MTRR: variants seen among roughly 807,000 people sequenced by gnomAD.
MTRR encodes methionine synthase reductase.
MTRR carries 63 observed loss-of-function variants against 79.2 expected under a neutral mutation model. That is an observed-to-expected ratio of 0.80 (90% CI 0.65 to 0.98). The LOEUF (loss-of-function observed/expected upper bound fraction) is 0.98, where lower values mean the gene tolerates loss of function less well. MTRR is among the 50% of genes least tolerant of loss of function. The probability of loss-of-function intolerance (pLI) is 0.00; values close to 1 mark genes in which losing one functional copy is unlikely to be tolerated. For synonymous variants in MTRR, 355 were observed against 313.3 expected (o/e 1.13, Z -1.41); for missense variants, 895 against 839.6 (o/e 1.07, Z -0.82).
chr5:7,868,962 CCCGCGTTGACACCTA>C, upstream of MTRR: 2 of 761,432 alleles, frequency 2.6e-6, no homozygotes, highest in South Asian at 2.9e-5. Context: ...GCGCGGAGAC[CCCGCGTTGACACCTA>C]CCGCGCTCTG....
chr5:7,862,863 A>G, intron 2 of MTRR: 1 of 1,613,978 alleles, frequency 6.2e-7, no homozygotes, highest in South Asian at 1.1e-5. Flanking sequence ...TTGGAGCAAA[A>G]TATAATCTTG....
chr5:7,898,294 A>G (rs1738869883), intron 14 of MTRR, among the ~76,000 whole-genome samples: 1 of 152,122 alleles, frequency 6.6e-6, no homozygotes, highest in Admixed American at 6.5e-5. Flanking sequence ...AGTTTTAGAG[A>G]TGCACCTCTA....
At position 7,854,175 on chromosome 5, in the gene MTRR, C is replaced by T. The variant is rs546290461; in HGVS notation, n.391+2590C>T. Among the ~76,000 whole-genome samples, 25 of 152,062 alleles carry T rather than the reference C, an allele frequency of 1.6e-4. 1 individual carries two copies. The highest frequency in any genetic ancestry group is 3.4e-3 in the Middle Eastern group (1 of 294). Reference sequence around the variant, plus strand: ...TAGGCTCCTCATGTCTGTACTCGTACTCAAAAGTTCTGTGCCGGAGAAGGG... The same window carrying T: ...TAGGCTCCTCATGTCTGTACTCGTATTCAAAAGTTCTGTGCCGGAGAAGGG... On this transcript the variant is annotated intron_variant and non_coding_transcript_variant, in intron 1 of 3. Transcript: ENST00000502509.
chr5:7,864,360 GAT>G (rs1746779900), upstream of MTRR, among the ~76,000 whole-genome samples: 2 of 151,918 alleles, frequency 1.3e-5, no homozygotes, highest in African/African-American at 4.8e-5. Context: ...AAATTTAAAA[GAT>G]ATTATTTTTA....
At chr5:7,862,850 CT>C in intron 2 of MTRR, 1 of 1,613,720 alleles carries the variant, frequency 6.2e-7, no homozygotes. Context: ...GGTGTCAACA[CT>C]TTTGGAGCAA....
chr5:7,861,419 T>C (rs1746523084), intron 1 of MTRR: 1 of 607,948 alleles, frequency 1.6e-6, no homozygotes, highest in Non-Finnish European at 2.6e-6. Flanking sequence ...TTAATATTAA[T>C]GTTTATAAAA....
At chr5:7,896,730 A>G in intron 12 of MTRR, 134 bp from the exon 13 acceptor site, 1 of 762,012 alleles carries the variant, frequency 1.3e-6, no homozygotes, top group Non-Finnish European at 2.3e-6. Context: ...ATGCTAATTA[A>G]ATGACTGAAT....
chr5:7,879,065 T>C (rs986589923), intron 5 of MTRR, among the ~76,000 whole-genome samples: 5 of 152,256 alleles, frequency 3.3e-5, no homozygotes, highest in African/African-American at 9.6e-5. Context: ...CCTGGTATGA[T>C]AGCAATTTTT....
Position 7,878,016 on chromosome 5 carries a change from A to T in MTRR, c.474A>T (p.Arg158Ser). Residue 158 changes from arginine to serine, a missense_variant, in exon 5 of 15, where the codon AGA (arginine) becomes AGT (serine). Arg to Ser is a moderately radical substitution (Grantham distance 110, BLOSUM62 -1). Transcript: ENST00000440940. The stretch of plus-strand genomic sequence containing the variant: ...TCAGAAAGCATTTTAGGTCAAGCAG[A>T]GGACAAGAGGAGATAAGTGGCGCAC... ...PALRKHFRSS[R>S]GQEEISGALP... 6.2e-7 allele frequency: 1 copy of T among 1,613,720 alleles called. No individual in the cohort carries two copies. Among genetic ancestry groups the T allele is most frequent in the East Asian group, 2.2e-5 (1 of 44,804 alleles).
chr5:7,866,915 T>C (rs1368916747), upstream of MTRR: 18 of 1,614,064 alleles, frequency 1.1e-5, no homozygotes, highest in Non-Finnish European at 1.4e-5. Flanking sequence ...TGCCACTGCA[T>C]TGAGGATGGG....
At chr5:7,878,399 A>C in intron 5 of MTRR, 77 bp downstream of exon 5, 1 of 1,565,704 alleles carries the variant, frequency 6.4e-7, no homozygotes, top group Non-Finnish European at 8.8e-7. Flanking sequence ...TTATTATTAC[A>C]TTAGAAGAGA....
At chr5:7,890,529 A>G (rs539258333) in intron 9 of MTRR, 1 of 472,972 alleles carries the variant, frequency 2.1e-6, no homozygotes, top group South Asian at 8.9e-5. Context: ...ACAATACCAC[A>G]TTACGTAGTT....
At chr5:7,865,974 G>A (rs2126609765), upstream of MTRR, 1 of 1,613,534 alleles carries the variant, frequency 6.2e-7, no homozygotes, top group African/African-American at 1.3e-5. Context: ...GTCCAAATGA[G>A]ATTCTTTACC....
At chr5:7,852,169 G>A (rs326205) in intron 1 of MTRR, among the ~76,000 whole-genome samples, 88,332 of 151,972 alleles carry the variant, frequency 0.58, 26,595 homozygotes, top group African/African-American at 0.73. Flanking sequence ...AGATCTTACA[G>A]ATGATGGAAG....
intron 9 of MTRR, 127 bp downstream of exon 9, chr5:7,889,402 C>T: frequency 4.1e-6 from 4 of 965,844 alleles, no homozygotes; most frequent in Non-Finnish European, 6.4e-6. Context: ...AAGAATATAT[C>T]TAAATGAATG....
intron 5 of MTRR, among the ~76,000 whole-genome samples, chr5:7,879,687 G>T (rs530808234): frequency 1.3e-5 from 2 of 152,302 alleles, no homozygotes; most frequent in East Asian, 3.9e-4. Context: ...GCACAGAGGG[G>T]TTGGAAGCAG....
intron 1 of MTRR, chr5:7,870,435 C>CT (rs1236835710): frequency 2.3e-5 from 8 of 342,670 alleles, no homozygotes; most frequent in East Asian, 7.2e-5. Flanking sequence ...TGGTAATACT[C>CT]TCATTTTTAG....
intron 2 of MTRR, among the ~76,000 whole-genome samples, chr5:7,872,778 G>A (rs1433936549): frequency 3.9e-5 from 6 of 152,188 alleles, no homozygotes; most frequent in African/African-American, 1.2e-4. Flanking sequence ...GAGTGCTTAT[G>A]TATCAGTTCT....
upstream of MTRR, chr5:7,867,525 G>A (rs1747072571): frequency 1.2e-6 from 2 of 1,614,268 alleles, no homozygotes; most frequent in Non-Finnish European, 1.7e-6. Context: ...ACATGCAACA[G>A]AATCAGAGCT....
Sources: allele counts gnomAD v4.1 joint callset (sites outside exome capture counted in the v4.1 genomes callset), GRCh38; gene constraint gnomAD v4.1.1; transcripts MANE v1.5; gene names NCBI Gene and HGNC (gene_info 2026-07-23, HGNC 2026-07-21).